Variants in BANK1 observed in about 807,000 individuals in gnomAD.
The protein encoded by BANK1 is B cell scaffold protein with ankyrin repeats 1.
Under a neutral mutation model 94.5 loss-of-function variants are expected in BANK1, and 95 were observed. The ratio of observed to expected loss-of-function variants is 1.00; its 90% confidence interval spans 0.85 to 1.19. The LOEUF (loss-of-function observed/expected upper bound fraction) is 1.19, where lower values mean the gene tolerates loss of function less well. Ranked by LOEUF, BANK1 falls within the 50% of genes most tolerant of loss-of-function variation. The pLI, the probability that BANK1 is intolerant of heterozygous loss-of-function variation, is 0.00. For synonymous variants in BANK1, 334 were observed against 308.4 expected, an observed-to-expected ratio of 1.08 and a Z score of -0.87; for missense variants, 987 against 932.2, an observed-to-expected ratio of 1.06 and a Z score of -0.77.
At chr4:101,823,421 C>G (rs1203836581) in intron 1 of BANK1, among the ~76,000 whole-genome samples, 2 of 152,070 alleles carry the variant, frequency 1.3e-5, no homozygotes, top group African/African-American at 2.4e-5. Context: ...TATGGCCTTC[C>G]TGCTCTCAGA....
chr4:101,918,274 T>C, intron 7 of BANK1, 85 bp downstream of exon 7: 1 of 930,226 alleles, frequency 1.1e-6, no homozygotes, highest in Non-Finnish European at 1.5e-6. Flanking sequence ...CTATTACCTT[T>C]ACCGTTTTCT....
intron 11 of BANK1, among the ~76,000 whole-genome samples, chr4:102,052,878 A>G (rs1466882599): frequency 1.3e-5 from 2 of 152,210 alleles, no homozygotes; most frequent in Non-Finnish European, 2.9e-5. Context: ...GGTTAGGCTG[A>G]GATGAAAGCA....
At chr4:102,025,624 T>C (rs1727066091) in intron 9 of BANK1, 115 bp downstream of exon 9, 4 of 937,834 alleles carry the variant, frequency 4.3e-6, no homozygotes, top group African/African-American at 3.3e-5. Context: ...TTGAAACCAA[T>C]AGCAACATTC....
intron 10 of BANK1, among the ~76,000 whole-genome samples, chr4:102,042,248 G>A (rs1031144977): frequency 6.6e-5 from 10 of 151,796 alleles, no homozygotes; most frequent in South Asian, 2.1e-4. Flanking sequence ...ATATCCTAAC[G>A]TATAGTCATA....
At chr4:102,060,499 T>C in intron 12 of BANK1, 110 bp downstream of exon 12, 1 of 1,163,090 alleles carries the variant, frequency 8.6e-7, no homozygotes, top group East Asian at 2.7e-5. Context: ...CATTTTTAAC[T>C]AGCCACTAAG....
chr4:102,046,567 C>T (rs1298863941), intron 11 of BANK1, among the ~76,000 whole-genome samples: 1 of 152,006 alleles, frequency 6.6e-6, no homozygotes, highest in Non-Finnish European at 1.5e-5. Context: ...TTGATTCCTC[C>T]AAAGAAAGGG....
intron 11 of BANK1, among the ~76,000 whole-genome samples, chr4:102,057,128 C>T (rs1030750232): frequency 4.6e-5 from 7 of 152,164 alleles, no homozygotes; most frequent in Admixed American, 1.3e-4. Flanking sequence ...ATAGACCAAG[C>T]ATCTCCTAAT....
chr4:101,888,127 C>A (rs1213944567), intron 5 of BANK1, among the ~76,000 whole-genome samples: 4 of 152,128 alleles, frequency 2.6e-5, no homozygotes, highest in Admixed American at 6.6e-5. Flanking sequence ...GAAACTTAAA[C>A]AAGCACAGCA....
chr4:101,865,247 T>C (rs1452477754), intron 4 of BANK1, among the ~76,000 whole-genome samples: 1 of 152,104 alleles, frequency 6.6e-6, no homozygotes, highest in Non-Finnish European at 1.5e-5. Context: ...TGAAATCTGC[T>C]TACCTAGAGC....
intron 9 of BANK1, among the ~76,000 whole-genome samples, chr4:102,029,538 A>G (rs1447606880): frequency 1.3e-5 from 2 of 148,166 alleles, no homozygotes; most frequent in African/African-American, 4.9e-5. Flanking sequence ...AAAATAATAT[A>G]TAAAGGTATA....
chr4:102,006,322 G>A (rs2148938923), intron 7 of BANK1, among the ~76,000 whole-genome samples: 1 of 152,126 alleles, frequency 6.6e-6, no homozygotes, highest in Non-Finnish European at 1.5e-5. Context: ...TCCCAGCAGA[G>A]TTATTAATAA....
rs776782078 is a variant in BANK1 at position 101,918,112 on chromosome 4, A to G, written c.1129A>G (p.Met377Val). 9.3e-6 allele frequency: 15 copies of G among 1,612,360 alleles called. No homozygotes were observed. Among genetic ancestry groups the G allele is most frequent in the Non-Finnish European group, 1.2e-5 (14 of 1,178,906 alleles). The change falls in exon 7 of 17, where the codon ATG becomes GTG. Residue 377 changes from methionine (M) to valine (V), a missense_variant. Physicochemically the swap from Met to Val is conservative, Grantham distance 21. Coordinates refer to ENST00000322953, the MANE Select transcript of BANK1 (RefSeq NM_017935.5). ...AACCTGGGCATCTAAGATGAAAAAT[A>G]TGGAGGGTTCAGACCCCGCACATAT... ...GATWASKMKN[M>V]EGSDPAHIAE...
rs777366304 is a variant in BANK1 at position 101,829,791 on chromosome 4, A to AT, written c.71-11dup. On this transcript the variant is annotated splice_polypyrimidine_tract_variant and intron_variant, in intron 1 of 16. Coordinates refer to ENST00000322953, the MANE Select transcript of BANK1 (RefSeq NM_017935.5). The stretch of plus-strand genomic sequence containing the variant: ...GATAGCATTGCAAATATAAGAAAAT[A>AT]TTTTTTCTTTTTCCAGGAAATACAA... 5.7e-5 allele frequency: 84 copies of AT among 1,467,202 alleles called. 1 individual carries two copies. Among genetic ancestry groups the AT allele is most frequent in the East Asian group, 5.7e-4 (24 of 42,402 alleles). The allele number at this position is 1,467,202 out of a possible 1,614,324, so 90.9% of individuals were successfully genotyped here.
At chr4:101,840,585 A>G (rs928171564) in intron 2 of BANK1, among the ~76,000 whole-genome samples, 7 of 152,216 alleles carry the variant, frequency 4.6e-5, no homozygotes, top group Non-Finnish European at 1.0e-4. Context: ...CCTGCTGCAG[A>G]TAACTAGCCT....
intron 2 of BANK1, among the ~76,000 whole-genome samples, chr4:101,847,835 C>T (rs1237351671): frequency 1.3e-5 from 2 of 151,946 alleles, no homozygotes; most frequent in Admixed American, 6.6e-5. Flanking sequence ...GTTGGTTCCA[C>T]GATTTTGCCG....
rs1017719907 is a variant in BANK1 at position 101,808,140 on chromosome 4, T to C, written c.70+17190T>C. On this transcript the variant is annotated intron_variant, in intron 1 of 16. Transcript: ENST00000322953. ...ATAAAAAATAAAATCCAAGACAGCCTGACTTGAAAGCCTGGCCTCTTAACC... is the reference window on the plus strand; with the variant it reads ...ATAAAAAATAAAATCCAAGACAGCCCGACTTGAAAGCCTGGCCTCTTAACC... 8.6e-5 allele frequency among the ~76,000 whole-genome samples: 13 copies of C among 152,014 alleles called. No individual in the cohort carries two copies. The South Asian group carries it at 2.7e-3, about 32-fold the overall frequency.
intron 7 of BANK1, among the ~76,000 whole-genome samples, chr4:101,946,985 CA>C (rs1296135110): frequency 6.6e-6 from 1 of 151,654 alleles, no homozygotes; most frequent in Non-Finnish European, 1.5e-5. Context: ...ATGAGTTGGG[CA>C]TTTTTTTCTC....
At chr4:101,920,968 G>T (rs1722981275) in intron 7 of BANK1, among the ~76,000 whole-genome samples, 1 of 151,786 alleles carries the variant, frequency 6.6e-6, no homozygotes, top group Non-Finnish European at 1.5e-5. Flanking sequence ...AGGGGAGGAA[G>T]AGAAAGGAGA....
intron 7 of BANK1, among the ~76,000 whole-genome samples, chr4:101,934,439 A>G (rs999580090): frequency 6.6e-6 from 1 of 151,008 alleles, no homozygotes; most frequent in Non-Finnish European, 1.5e-5. Context: ...TGAAGGAGAA[A>G]CTCTTCATCC....
Sources: allele counts gnomAD v4.1 joint callset (sites outside exome capture counted in the v4.1 genomes callset), GRCh38; gene constraint gnomAD v4.1.1; transcripts MANE v1.5; gene names NCBI Gene and HGNC (gene_info 2026-07-23, HGNC 2026-07-21).